Variants in GRM7 observed in about 807,000 individuals in gnomAD.
The protein encoded by GRM7 is metabotropic glutamate receptor 7.
In GRM7, 35 loss-of-function variants were observed where a neutral mutation model predicts 84.5. The ratio of observed to expected loss-of-function variants is 0.41; its 90% CI spans 0.32 to 0.55. The LOEUF is 0.55. GRM7 is among the 20% of genes least tolerant of loss of function. The pLI is 0.19. For synonymous variants in GRM7, 487 were observed against 455.1 expected (o/e 1.07, Z -0.89); for missense variants, 1,003 against 1,194.6 (o/e 0.84, Z 2.36).
rs534311803 is a variant in GRM7 at position 7,463,702 on chromosome 3, A to G, written c.1515+1980A>G. Among the ~76,000 whole-genome samples, 3 of 152,346 alleles carry G rather than the reference A, an allele frequency of 2.0e-5. No homozygotes were observed. The South Asian group carries it at 6.2e-4, about 32-fold the overall frequency. Reference sequence around the variant, plus strand: ...CAGCAAAGTGAAAACTAGAGTGACCAGCAGGTCAGATGGCTGATGTGATGA... The same window carrying G: ...CAGCAAAGTGAAAACTAGAGTGACCGGCAGGTCAGATGGCTGATGTGATGA... On this transcript the variant is annotated intron_variant, in intron 7 of 9. Coordinates refer to ENST00000357716, the MANE Select transcript of GRM7 (RefSeq NM_000844.4).
At chr3:7,489,404 G>A (rs1371976578) in intron 7 of GRM7, among the ~76,000 whole-genome samples, 1 of 152,052 alleles carries the variant, frequency 6.6e-6, no homozygotes, top group East Asian at 1.9e-4. Context: ...TTTTACAAGT[G>A]TAGCTCTGAA....
chr3:6,887,133 A>G (rs1048253895), intron 1 of GRM7, among the ~76,000 whole-genome samples: 2 of 151,946 alleles, frequency 1.3e-5, no homozygotes, highest in African/African-American at 4.8e-5. Flanking sequence ...CACTGTTTAA[A>G]CTGAAAATAC....
intron 7 of GRM7, among the ~76,000 whole-genome samples, chr3:7,570,224 C>T (rs900449593): frequency 6.6e-6 from 1 of 152,150 alleles, no homozygotes; most frequent in Non-Finnish European, 1.5e-5. Context: ...CATGTCCTCA[C>T]ATTCCAAAAC....
intron 1 of GRM7, among the ~76,000 whole-genome samples, chr3:6,904,907 G>C (rs1201914283): frequency 6.6e-6 from 1 of 151,998 alleles, no homozygotes; most frequent in Non-Finnish European, 1.5e-5. Context: ...TTTTTCTGTA[G>C]AGACTGGGTC....
At position 7,250,294 on chromosome 3, in the gene GRM7, A is replaced by T. The variant is rs1300905693; in HGVS notation, c.737-48390A>T. On this transcript the variant is annotated intron_variant, in intron 2 of 9. Coordinates refer to ENST00000357716, the MANE Select transcript of GRM7 (RefSeq NM_000844.4). ...TTCCTTATAATTAGTAATAATCATT[A>T]TTGGGAGCCAGAGGTTATAATTGTT... Among the ~76,000 whole-genome samples, 6 of 152,156 alleles carry T rather than the reference A, an allele frequency of 3.9e-5. No homozygotes were observed. In the South Asian group the frequency reaches 1.2e-3, roughly 31 times the overall value.
intron 1 of GRM7, among the ~76,000 whole-genome samples, chr3:6,972,605 T>C (rs1693802810): frequency 6.6e-6 from 1 of 152,096 alleles, no homozygotes; most frequent in African/African-American, 2.4e-5. Flanking sequence ...GGCAAGAACT[T>C]GTGAAAGGAA....
At chr3:7,107,805 C>G (rs2125029771) in intron 1 of GRM7, among the ~76,000 whole-genome samples, 1 of 151,960 alleles carries the variant, frequency 6.6e-6, no homozygotes, top group African/African-American at 2.4e-5. Flanking sequence ...AAGATGGAAA[C>G]TAAAGAAAGG....
At chr3:7,264,659 A>G (rs1698566585) in intron 2 of GRM7, among the ~76,000 whole-genome samples, 1 of 152,070 alleles carries the variant, frequency 6.6e-6, no homozygotes, top group African/African-American at 2.4e-5. Context: ...GGTATTCCAT[A>G]TGTCCCACTC....
chr3:7,033,255 C>G (rs960745262), intron 1 of GRM7, among the ~76,000 whole-genome samples: 3 of 152,084 alleles, frequency 2.0e-5, no homozygotes, highest in Non-Finnish European at 2.9e-5. Context: ...CTAGTATAAC[C>G]TCATCATAAC....
intron 1 of GRM7, among the ~76,000 whole-genome samples, chr3:7,095,457 C>T (rs1037257694): frequency 7.9e-5 from 12 of 152,030 alleles, no homozygotes; most frequent in Admixed American, 3.9e-4. Context: ...CTTTTCCTTC[C>T]GTTGCCTTGA....
rs930588327 is a variant in GRM7 at position 7,269,080 on chromosome 3, T to TA, written c.737-29597dup. ...GAGTTATAAAATAGCTCAAGGGCAATAAAAAAACAGAGACCCACAGAATCA... is the reference window on the plus strand; with the variant it reads ...GAGTTATAAAATAGCTCAAGGGCAATAAAAAAAACAGAGACCCACAGAATCA... On this transcript the variant is annotated intron_variant, in intron 2 of 9. Transcript: ENST00000357716. Among the ~76,000 whole-genome samples the TA allele has an allele frequency of 5.9e-4, 90 of 152,172 alleles. 1 individual carries two copies. Among genetic ancestry groups the TA allele is most frequent in the Non-Finnish European group, 1.8e-4 (12 of 67,994 alleles).
intron 1 of GRM7, among the ~76,000 whole-genome samples, chr3:7,097,888 A>G (rs554803034): frequency 6.6e-6 from 1 of 152,210 alleles, no homozygotes; most frequent in African/African-American, 2.4e-5. Flanking sequence ...CATACCTTTG[A>G]CTTGCAGAAA....
chr3:7,644,034 A>ACC (rs33948453), intron 8 of GRM7, among the ~76,000 whole-genome samples: 75 of 147,576 alleles, frequency 5.1e-4, no homozygotes, highest in African/African-American at 3.0e-4. Flanking sequence ...ACACACACAC[A>ACC]CCATATATAA....
rs541309791 is a variant in GRM7, at chr3:6,945,140, C to T, written c.519+83233C>T. Among the ~76,000 whole-genome samples the T allele has an allele frequency of 2.3e-3, 344 of 151,924 alleles. 1 individual carries two copies. Among genetic ancestry groups the T allele is most frequent in the Non-Finnish European group, 3.5e-3 (235 of 67,980 alleles). ...GGTTTGTTACATATGTATACATGTG[C>T]CATGTTGGTGTGATGCACCCATTAA... On this transcript the variant is annotated intron_variant, in intron 1 of 9. Transcript: ENST00000357716.
At chr3:7,316,694 G>A (rs1228339934) in intron 4 of GRM7, among the ~76,000 whole-genome samples, 1 of 152,116 alleles carries the variant, frequency 6.6e-6, no homozygotes, top group Non-Finnish European at 1.5e-5. Context: ...GCCAATTCTG[G>A]AGGTGTTAAG....
At chr3:7,475,318 C>T (rs966262789) in intron 7 of GRM7, among the ~76,000 whole-genome samples, 14 of 152,226 alleles carry the variant, frequency 9.2e-5, no homozygotes, top group African/African-American at 2.6e-4. Flanking sequence ...ACTCTGAAAG[C>T]GAGCTTTAAC....
intron 1 of GRM7, among the ~76,000 whole-genome samples, chr3:6,992,622 T>A (rs1186386416): frequency 6.6e-6 from 1 of 152,152 alleles, no homozygotes; most frequent in Non-Finnish European, 1.5e-5. Context: ...AACCTTGGGC[T>A]TACAGGGGCC....
chr3:7,603,138 A>T (rs576882520), intron 8 of GRM7, among the ~76,000 whole-genome samples: 12 of 152,300 alleles, frequency 7.9e-5, no homozygotes, highest in Non-Finnish European at 1.0e-4. Flanking sequence ...ACTAATGCCC[A>T]TATACATGCC....
intron 8 of GRM7, among the ~76,000 whole-genome samples, chr3:7,642,937 C>T (rs1163568025): frequency 6.6e-6 from 1 of 152,092 alleles, no homozygotes; most frequent in African/African-American, 2.4e-5. Context: ...GAACACAGAA[C>T]TCTGTAAGTG....
Sources: allele counts gnomAD v4.1 joint callset (sites outside exome capture counted in the v4.1 genomes callset), GRCh38; gene constraint gnomAD v4.1.1; transcripts MANE v1.5; gene names NCBI Gene and HGNC (gene_info 2026-07-23, HGNC 2026-07-21).